The following ZNF704 variants were observed in gnomAD, a reference collection of about 807,000 sequenced individuals.
ZNF704 encodes the protein zinc finger protein 704.
In ZNF704, 10 loss-of-function variants were observed where a neutral mutation model predicts 44.7. The ratio of observed to expected loss-of-function variants is 0.22; its 90% confidence interval spans 0.14 to 0.38. ZNF704 has a LOEUF of 0.38. Among genes scored for constraint, ZNF704 ranks in the 10% least tolerant of loss-of-function variants. The pLI is 1.00. For synonymous variants in ZNF704, 211 were observed against 207.6 expected, an observed-to-expected ratio of 1.02 and a Z score of -0.14; for missense variants, 390 against 545.5, an observed-to-expected ratio of 0.71 and a Z score of 2.84.
intron 4 of ZNF704, among the ~76,000 whole-genome samples, chr8:80,675,235 A>G (rs923068478): frequency 6.6e-5 from 10 of 152,218 alleles, no homozygotes; most frequent in African/African-American, 2.4e-4. Flanking sequence ...GGCATAGCGA[A>G]GAGTTAAAAG....
intron 3 of ZNF704, among the ~76,000 whole-genome samples, chr8:80,689,319 A>G (rs1395934291): frequency 6.6e-6 from 1 of 152,186 alleles, no homozygotes; most frequent in Non-Finnish European, 1.5e-5. Context: ...TAGAGGAGTG[A>G]AGCTTTAAGT....
intron 2 of ZNF704, among the ~76,000 whole-genome samples, chr8:80,789,693 G>A (rs1807672376): frequency 6.6e-6 from 1 of 152,154 alleles, no homozygotes; most frequent in African/African-American, 2.4e-5. Flanking sequence ...AGTAAGCTAT[G>A]ATGGAACCAC....
At chr8:80,671,741 C>T (rs1197170486) in intron 4 of ZNF704, among the ~76,000 whole-genome samples, 2 of 152,168 alleles carry the variant, frequency 1.3e-5, no homozygotes, top group African/African-American at 4.8e-5. Context: ...CCTTGATTCC[C>T]AGACTCCCTT....
At chr8:80,663,461 T>C (rs1318697045) in intron 6 of ZNF704, among the ~76,000 whole-genome samples, 3 of 151,992 alleles carry the variant, frequency 2.0e-5, no homozygotes, top group Non-Finnish European at 4.4e-5. Flanking sequence ...CTTCTCAGAC[T>C]TTAGCATGAC....
intron 1 of ZNF704, among the ~76,000 whole-genome samples, chr8:80,824,791 T>A (rs1808343252): frequency 6.6e-6 from 1 of 152,156 alleles, no homozygotes; most frequent in South Asian, 2.1e-4. Context: ...AAGAAAAGAA[T>A]TTTCAACCCA....
intron 2 of ZNF704, among the ~76,000 whole-genome samples, chr8:80,699,628 C>CACCCCTTCCTCTTAATTTCTGT (rs1818778638): frequency 2.6e-5 from 4 of 152,152 alleles, no homozygotes; most frequent in Admixed American, 2.6e-4. Context: ...AAAATTTCTG[C>CACCCCTTCCTCTTAATTTCTGT]ACCCCTTCCT....
chr8:80,820,877 G>C (rs1355997612), intron 2 of ZNF704, among the ~76,000 whole-genome samples: 1 of 151,830 alleles, frequency 6.6e-6, no homozygotes, highest in Non-Finnish European at 1.5e-5. Context: ...CTGCACTCCA[G>C]CTTGAGCGAC....
chr8:80,779,227 A>T (rs1463134342), intron 2 of ZNF704, among the ~76,000 whole-genome samples: 3 of 151,468 alleles, frequency 2.0e-5, no homozygotes, highest in Non-Finnish European at 2.9e-5. Context: ...CAGTTGTTTT[A>T]CATAATCCTT....
chr8:80,862,548 G>T (rs113221225), intron 1 of ZNF704, among the ~76,000 whole-genome samples: 2,199 of 146,116 alleles, frequency 0.015, 74 homozygotes, highest in African/African-American at 0.054. Flanking sequence ...TCACCTGAGG[G>T]CGAGAGTTCG....
rs760502677 is a variant in ZNF704, at chr8:80,687,415, G to A, written c.369C>T (p.Ser123=). ...GSWKEGGCVP[S]STSSSGYWSW... is the part of the protein sequence containing the mutation. ...TCCAGTAGCCGCTGCTGCTGGTGCT[G>A]GAAGGCACGCAGCCGCCCTCCTTCC... The change falls in exon 4 of 9, where the codon TCC becomes TCT. Residue 123 remains serine (S), a synonymous_variant. Coordinates refer to ENST00000327835, the MANE Select transcript of ZNF704 (RefSeq NM_001033723.3). The A allele has an allele frequency of 1.6e-5, 26 of 1,598,082 alleles. No homozygotes were observed. In the South Asian group the frequency reaches 2.8e-4, roughly 17 times the overall value.
At chr8:80,776,004 C>T (rs976030408) in intron 2 of ZNF704, among the ~76,000 whole-genome samples, 1 of 152,140 alleles carries the variant, frequency 6.6e-6, no homozygotes, top group Non-Finnish European at 1.5e-5. Context: ...AAACTTCGCA[C>T]TTCAAAATAA....
chr8:80,821,516 C>T lies in ZNF704; in HGVS notation c.79G>A (p.Ala27Thr). 1 of 1,614,070 alleles carries T rather than the reference C, an allele frequency of 6.2e-7. No homozygotes were observed. The highest frequency in any genetic ancestry group is 1.7e-5 in the Admixed American group (1 of 60,000). The part of the protein sequence containing the change: ...KMSHQHVFSL[A>T]MEEDVKTADT... ...GCTGTTTTCACATCTTCCTCCATGG[C>T]CAAGGAAAACACGTGTTGATGAGAC... The change falls in exon 2 of 9, where the codon GCC (alanine) becomes ACC (threonine). Residue 27 changes from alanine (A) to threonine (T), a missense_variant. Physicochemically the swap from Ala to Thr is moderately conservative, Grantham distance 58. This residue lies in a region of ZNF704 where 80 missense variants were observed against 83.7 expected (regional missense o/e 0.96). Transcript: ENST00000327835.
chr8:80,772,675 G>A (rs533343578), intron 2 of ZNF704, among the ~76,000 whole-genome samples: 9 of 152,216 alleles, frequency 5.9e-5, no homozygotes, highest in South Asian at 4.2e-4. Context: ...TTCAGCATGC[G>A]ATTTGGGTGG....
intron 1 of ZNF704, among the ~76,000 whole-genome samples, chr8:80,852,379 AAG>A (rs1396842494): frequency 4.6e-5 from 7 of 152,184 alleles, no homozygotes; most frequent in Non-Finnish European, 7.3e-5. Flanking sequence ...TTTTTAATAA[AAG>A]AAGTTTCTAC....
intron 2 of ZNF704, among the ~76,000 whole-genome samples, chr8:80,738,484 T>C (rs1416830376): frequency 6.6e-6 from 1 of 152,282 alleles, no homozygotes; most frequent in East Asian, 1.9e-4. Flanking sequence ...TAGATAAATA[T>C]ATGGCTTAAA....
chr8:80,789,950 A>C (rs1308794367), intron 2 of ZNF704, among the ~76,000 whole-genome samples: 6 of 152,220 alleles, frequency 3.9e-5, no homozygotes, highest in African/African-American at 1.4e-4. Flanking sequence ...GTTAAAATCC[A>C]ATGACTTGTC....
At chr8:80,807,607 TATGA>T (rs1281815917) in intron 2 of ZNF704, among the ~76,000 whole-genome samples, 1 of 152,176 alleles carries the variant, frequency 6.6e-6, no homozygotes, top group Non-Finnish European at 1.5e-5. Flanking sequence ...TCGTTTAGCT[TATGA>T]ATATGTCAGC....
intron 4 of ZNF704, among the ~76,000 whole-genome samples, chr8:80,683,468 G>GT (rs1453037527): frequency 6.6e-6 from 1 of 152,148 alleles, no homozygotes; most frequent in Non-Finnish European, 1.5e-5. Flanking sequence ...CCACATAGCT[G>GT]TAGCTATGTC....
intron 2 of ZNF704, among the ~76,000 whole-genome samples, chr8:80,734,057 G>A (rs1806625464): frequency 6.6e-6 from 1 of 152,076 alleles, no homozygotes; most frequent in African/African-American, 2.4e-5. Context: ...ATGGTGTTTC[G>A]AAAAACTGCC....
Sources: allele counts gnomAD v4.1 joint callset (sites outside exome capture counted in the v4.1 genomes callset), GRCh38; gene constraint gnomAD v4.1.1; regional missense constraint gnomAD v4.1.1; transcripts MANE v1.5; gene names NCBI Gene and HGNC (gene_info 2026-07-23, HGNC 2026-07-21).